The following CPEB1 variants were observed in gnomAD, a reference collection of about 807,000 sequenced individuals.
CPEB1 encodes the protein cytoplasmic polyadenylation element binding protein 1, also known as cytoplasmic polyadenylation element-binding protein 1.
Under a neutral mutation model 65.8 loss-of-function variants are expected in CPEB1, and 7 were observed. That is an observed-to-expected ratio of 0.11 (90% confidence interval 0.06 to 0.20). The LOEUF is 0.20. Ranked by LOEUF, CPEB1 falls within the 10% of genes least tolerant of loss-of-function variation. The pLI, the probability that CPEB1 is intolerant of heterozygous loss-of-function variation, is 1.00. For missense variants in CPEB1, 551 were observed against 712.2 expected (o/e 0.77, Z 2.58); for synonymous variants, 262 against 260.0 (o/e 1.01, Z -0.08).
chr15:82,647,874 GCCGGTGTGGC>G, upstream of CPEB1: 1 of 1,261,842 alleles, frequency 7.9e-7, no homozygotes, highest in East Asian at 3.2e-5. Context: ...ACGCCATGGG[GCCGGTGTGGC>G]CCTGCGGGGC....
intron 1 of CPEB1, chr15:82,629,218 G>C (rs2046029636): frequency 1.0e-6 from 1 of 974,008 alleles, no homozygotes; most frequent in Non-Finnish European, 1.2e-6. Flanking sequence ...ATGGAAAAAG[G>C]ATACCAACTT....
At chr15:82,571,183 TCA>T (rs2039970828) in intron 4 of CPEB1, among the ~76,000 whole-genome samples, 159 bp downstream of exon 4, 1 of 152,190 alleles carries the variant, frequency 6.6e-6, no homozygotes, top group Admixed American at 6.5e-5. Flanking sequence ...CCTGCCACAC[TCA>T]CAGCTTGCAT....
intron 3 of CPEB1, among the ~76,000 whole-genome samples, chr15:82,587,403 C>T (rs1294099265): frequency 2.0e-5 from 3 of 152,146 alleles, no homozygotes; most frequent in East Asian, 1.9e-4. Flanking sequence ...CAATCAATTG[C>T]GAAAACTGAA....
At position 82,544,782 on chromosome 15, in the gene CPEB1, C is replaced by G. The variant is rs2034861201; in HGVS notation, c.1657-80G>C. 8.3e-6 allele frequency: 9 copies of G among 1,087,360 alleles called. No homozygotes were observed. The South Asian group carries it at 1.1e-4, about 13-fold the overall frequency. 67.4% of individuals were successfully genotyped at this position (1,087,360 alleles called of 1,614,324 possible). On this transcript the variant is annotated intron_variant, in intron 12 of 12. Coordinates refer to ENST00000684509, the MANE Select transcript of CPEB1 (RefSeq NM_001365242.1). ...GGAGCTGTTGCACGAGCTGCTTGTT[C>G]TGTTTGGAGAAGGGTGGGAGACTCC...
chr15:82,601,751 A>C (rs2043137346), intron 3 of CPEB1, among the ~76,000 whole-genome samples: 1 of 152,310 alleles, frequency 6.6e-6, no homozygotes, highest in Admixed American at 6.5e-5. Flanking sequence ...ATCAAAGTAA[A>C]CTTTAAGGCA....
chr15:82,578,086 G>C (rs1218386623), intron 3 of CPEB1, among the ~76,000 whole-genome samples: 1 of 152,128 alleles, frequency 6.6e-6, no homozygotes, highest in Non-Finnish European at 1.5e-5. Flanking sequence ...TTTGCAGTGA[G>C]CCGAGATCGT....
At position 82,602,861 on chromosome 15, in the gene CPEB1, AAAAT is replaced by A. The variant is rs796177814; in HGVS notation, c.271+24328_271+24331del. On this transcript the variant is annotated intron_variant, in intron 3 of 12. Coordinates refer to ENST00000684509, the MANE Select transcript of CPEB1 (RefSeq NM_001365242.1). Reference sequence around the variant, plus strand: ...CTTCATCTCAAAAACTAAATAAATAAAAATAAATAAAATAAAATCAATGATCAGG... The same window carrying A: ...CTTCATCTCAAAAACTAAATAAATAAAAATAAAATAAAATCAATGATCAGG... Among the ~76,000 whole-genome samples, 13 of 152,060 alleles carry A rather than the reference AAAAT, an allele frequency of 8.5e-5. 1 individual carries two copies. The highest frequency in any genetic ancestry group is 2.9e-4 in the African/African-American group (12 of 41,518).
chr15:82,576,922 G>A (rs1319173644), intron 3 of CPEB1, among the ~76,000 whole-genome samples: 1 of 152,148 alleles, frequency 6.6e-6, no homozygotes, highest in African/African-American at 2.4e-5. Flanking sequence ...CTACTTGGGT[G>A]GCTGAGGTGG....
chr15:82,614,490 TG>T lies in CPEB1; in HGVS notation c.271+12702del, dbSNP rs1377828838. Among the ~76,000 whole-genome samples the T allele has an allele frequency of 2.6e-5, 4 of 152,196 alleles. No homozygotes were observed. In the South Asian group the frequency reaches 6.2e-4, roughly 24 times the overall value. ...AATCTAAGTAATCACTAAAAATTAC[TG>T]AAGTCTAAATAAATACTGATTGTGA... is the stretch of plus-strand genomic sequence containing the variant. On this transcript the variant is annotated intron_variant, in intron 3 of 12. Coordinates refer to ENST00000684509, the MANE Select transcript of CPEB1 (RefSeq NM_001365242.1).
intron 2 of CPEB1, among the ~76,000 whole-genome samples, chr15:82,627,753 T>C (rs912575084): frequency 6.6e-6 from 1 of 152,232 alleles, no homozygotes; most frequent in Non-Finnish European, 1.5e-5. Context: ...TGCCAGTCTT[T>C]TGGTTGTACA....
chr15:82,571,408 T>C lies in CPEB1; in HGVS notation c.396A>G (p.Thr132=), dbSNP rs754231736. ...LCLGLQSLSL[T]GWDRPWSTQD... ...GGGTGCTCCAGGGTCGGTCCCAGCC[T>C]GTCAGACTGAGGGACTGCAGGCCAA... Residue 132 remains threonine (T), a synonymous_variant, in exon 4 of 13, where the codon ACA becomes ACG. Transcript: ENST00000684509. The C allele has an allele frequency of 6.8e-6, 11 of 1,614,134 alleles. No individual in the cohort carries two copies. The South Asian group carries it at 1.2e-4, about 18-fold the overall frequency.
At chr15:82,556,235 ATTCT>A in intron 5 of CPEB1, 113 bp from the exon 6 acceptor site, 1 of 1,221,808 alleles carries the variant, frequency 8.2e-7, no homozygotes, top group South Asian at 1.7e-5. Context: ...TTTGATATAT[ATTCT>A]TTTAGACTTT....
intron 3 of CPEB1, among the ~76,000 whole-genome samples, chr15:82,616,310 C>T (rs1205292332): frequency 2.6e-5 from 4 of 151,834 alleles, no homozygotes; most frequent in Non-Finnish European, 4.4e-5. Flanking sequence ...AAATGTAAAA[C>T]GATGTTTATG....
intron 3 of CPEB1, among the ~76,000 whole-genome samples, chr15:82,573,825 G>C (rs2040354583): frequency 6.6e-6 from 1 of 152,128 alleles, no homozygotes; most frequent in Non-Finnish European, 1.5e-5. Flanking sequence ...TGCAAAAAAA[G>C]TTTGAGCAGT....
intron 1 of CPEB1, among the ~76,000 whole-genome samples, chr15:82,646,579 G>A (rs1367391560): frequency 6.6e-6 from 1 of 152,186 alleles, no homozygotes; most frequent in African/African-American, 2.4e-5. Flanking sequence ...AGGGGCCAGG[G>A]CTGCAGGGAG....
intron 4 of CPEB1, 88 bp downstream of exon 4, chr15:82,571,256 G>T: frequency 6.7e-7 from 1 of 1,493,658 alleles, no homozygotes; most frequent in East Asian, 2.3e-5. Context: ...TGATGCAAAG[G>T]GGAACAGAAC....
intron 3 of CPEB1, among the ~76,000 whole-genome samples, chr15:82,612,385 T>C (rs899738096): frequency 1.3e-5 from 2 of 150,820 alleles, no homozygotes; most frequent in African/African-American, 4.9e-5. Context: ...TAGTCCCAGC[T>C]ACTTGGGAGG....
intron 3 of CPEB1, among the ~76,000 whole-genome samples, chr15:82,584,588 G>A (rs968653075): frequency 6.0e-5 from 9 of 150,196 alleles, no homozygotes; most frequent in Admixed American, 6.7e-5. Flanking sequence ...TGAGGCAGGA[G>A]AATCGCTTGA....
chr15:82,558,635 T>G (rs1391134399), intron 4 of CPEB1, among the ~76,000 whole-genome samples: 1 of 152,228 alleles, frequency 6.6e-6, no homozygotes, highest in Non-Finnish European at 1.5e-5. Flanking sequence ...CTCTTGTATA[T>G]GTCTGTGAGC....
Sources: gnomAD v4.1 joint callset for allele counts (sites outside exome capture counted in the v4.1 genomes callset) on GRCh38, gnomAD v4.1.1 for gene constraint, MANE v1.5 for transcripts, NCBI Gene and HGNC (gene_info 2026-07-23, HGNC 2026-07-21) for gene names.